Variants in EDAR observed in about 807,000 individuals in gnomAD.
The protein encoded by EDAR is tumor necrosis factor receptor superfamily member EDAR.
Under a neutral mutation model 51.3 loss-of-function variants are expected in EDAR, and 38 were observed. The observed-to-expected ratio is 0.74, with a 90% CI of 0.57 to 0.97. The LOEUF (loss-of-function observed/expected upper bound fraction) is 0.97. Among genes scored for constraint, EDAR ranks in the 50% least tolerant of loss-of-function variants. The pLI is 0.00. For synonymous variants in EDAR, 227 were observed against 242.1 expected, an observed-to-expected ratio of 0.94 and a Z score of 0.58; for missense variants, 528 against 595.0, an observed-to-expected ratio of 0.89 and a Z score of 1.17.
intron 1 of EDAR, among the ~76,000 whole-genome samples, chr2:108,962,995 G>A (rs972720925): frequency 1.4e-4 from 22 of 152,164 alleles, no homozygotes; most frequent in Non-Finnish European, 3.1e-4. Flanking sequence ...TCTTACCCTT[G>A]CCAGGGACAT....
chr2:108,956,713 T>A (rs1392832296), intron 1 of EDAR, among the ~76,000 whole-genome samples: 1 of 152,174 alleles, frequency 6.6e-6, no homozygotes, highest in African/African-American at 2.4e-5. Context: ...ATTTTGCATA[T>A]CCCTCCTTGT....
At position 108,922,750 on chromosome 2, in the gene EDAR, C is replaced by G. The variant is rs531104987; in HGVS notation, c.442+618G>C. Among the ~76,000 whole-genome samples the G allele has an allele frequency of 1.2e-4, 18 of 152,244 alleles. 1 individual carries two copies. In the South Asian group the frequency reaches 3.7e-3, roughly 32 times the overall value. ...CCTCCCAGCTGCTTGTCCTACCTGC[C>G]TCCGTCTCTCCCCAGACCACACATC... is the stretch of plus-strand genomic sequence containing the variant. On this transcript the variant is annotated intron_variant, in intron 5 of 11. Coordinates refer to ENST00000258443, the MANE Select transcript of EDAR (RefSeq NM_022336.4).
At chr2:108,918,620 G>A (rs1697070010) in intron 5 of EDAR, among the ~76,000 whole-genome samples, 1 of 152,218 alleles carries the variant, frequency 6.6e-6, no homozygotes, top group African/African-American at 2.4e-5. Flanking sequence ...CTCGCGTGGA[G>A]TTCGAGGCAG....
At chr2:108,937,678 G>C (rs1697501748) in intron 1 of EDAR, among the ~76,000 whole-genome samples, 1 of 147,370 alleles carries the variant, frequency 6.8e-6, no homozygotes, top group South Asian at 2.2e-4. Flanking sequence ...GTGAGTATAA[G>C]TGTATGTGAT....
chr2:108,986,406 C>G (rs1017495049), intron 1 of EDAR, among the ~76,000 whole-genome samples: 2 of 151,982 alleles, frequency 1.3e-5, no homozygotes, highest in African/African-American at 4.8e-5. Flanking sequence ...TTACTCCACT[C>G]TTATTTTTAT....
chr2:108,955,356 A>G (rs1697898665), intron 1 of EDAR, among the ~76,000 whole-genome samples: 1 of 152,278 alleles, frequency 6.6e-6, no homozygotes, highest in African/African-American at 2.4e-5. Flanking sequence ...GAATTGTAAA[A>G]TAAAAGAAAA....
intron 11 of EDAR, among the ~76,000 whole-genome samples, chr2:108,905,691 G>A (rs1428511798): frequency 6.6e-6 from 1 of 152,160 alleles, no homozygotes; most frequent in Admixed American, 6.5e-5. Context: ...TTTATCTTTG[G>A]GGTTAATAAG....
intron 1 of EDAR, among the ~76,000 whole-genome samples, chr2:108,945,790 G>A (rs973340905): frequency 1.3e-5 from 2 of 152,194 alleles, no homozygotes; most frequent in African/African-American, 4.8e-5. Flanking sequence ...ATTTTGCTAA[G>A]TAAGATAAGC....
rs772137636 is a variant in EDAR, at chr2:108,911,855, C to A, written c.530-783G>T. On this transcript the variant is annotated intron_variant, in intron 6 of 11. Coordinates refer to ENST00000258443, the MANE Select transcript of EDAR (RefSeq NM_022336.4). The stretch of plus-strand genomic sequence containing the variant: ...ACCCCGCATGTGGGCGCTGAGCCTC[C>A]CCTGTGGGTGCATCTGCAGGAAAAC... 6.4e-4 allele frequency among the ~76,000 whole-genome samples: 97 copies of A among 152,160 alleles called. 1 individual carries two copies. Among genetic ancestry groups the A allele is most frequent in the Non-Finnish European group, 1.5e-4 (10 of 68,026 alleles).
chr2:108,911,281 C>T (rs1696925271), intron 6 of EDAR, among the ~76,000 whole-genome samples: 1 of 152,112 alleles, frequency 6.6e-6, no homozygotes, highest in African/African-American at 2.4e-5. Context: ...CTGCTCGCTG[C>T]CCTCAGACTG....
intron 1 of EDAR, among the ~76,000 whole-genome samples, chr2:108,976,382 G>A (rs1231647003): frequency 6.6e-6 from 1 of 152,146 alleles, no homozygotes; most frequent in Non-Finnish European, 1.5e-5. Flanking sequence ...TCACATGAAG[G>A]GTCCATGCTA....
At chr2:108,971,168 A>G (rs1698225465) in intron 1 of EDAR, among the ~76,000 whole-genome samples, 1 of 152,236 alleles carries the variant, frequency 6.6e-6, no homozygotes, top group Non-Finnish European at 1.5e-5. Context: ...TGCTGGCTAC[A>G]TGTTTTCCGT....
chr2:108,962,626 G>T (rs143047943), intron 1 of EDAR, among the ~76,000 whole-genome samples: 118 of 137,994 alleles, frequency 8.6e-4, no homozygotes, highest in African/African-American at 3.2e-3. Context: ...AGAGAGCCGA[G>T]ATCGCTCCAC....
intron 1 of EDAR, among the ~76,000 whole-genome samples, chr2:108,967,036 G>A (rs969608974): frequency 6.6e-6 from 1 of 152,220 alleles, no homozygotes; most frequent in African/African-American, 2.4e-5. Context: ...CCAGGTTCAA[G>A]CAATTCTTCT....
intron 5 of EDAR, among the ~76,000 whole-genome samples, chr2:108,916,961 C>T (rs532813403): frequency 2.0e-5 from 3 of 152,290 alleles, no homozygotes; most frequent in South Asian, 4.1e-4. Flanking sequence ...GCCCACAGGC[C>T]ACCCAGGCCA....
chr2:108,939,395 A>G (rs1280908643), intron 1 of EDAR, among the ~76,000 whole-genome samples: 1 of 152,030 alleles, frequency 6.6e-6, no homozygotes, highest in Non-Finnish European at 1.5e-5. Flanking sequence ...CCATGTTGGC[A>G]AGGCTGGTCT....
intron 11 of EDAR, among the ~76,000 whole-genome samples, chr2:108,904,882 C>T (rs1048491049): frequency 2.0e-5 from 3 of 152,086 alleles, no homozygotes; most frequent in Non-Finnish European, 4.4e-5. Flanking sequence ...GGAGCTGAGT[C>T]GATATCACTG....
intron 4 of EDAR, among the ~76,000 whole-genome samples, chr2:108,927,708 C>T (rs1490478625): frequency 6.6e-6 from 1 of 152,134 alleles, no homozygotes; most frequent in Non-Finnish European, 1.5e-5. Context: ...TGGATCTCTG[C>T]CTGGAGGTTC....
At position 108,930,151 on chromosome 2, in the gene EDAR, G is replaced by A; in HGVS notation, c.143C>T (p.Pro48Leu). ...GGGCTCCTCTCCCGGCCCACACGGGGGGCACTCCTGGCACAGCCCCGTAGT... is the reference window on the plus strand; with the variant it reads ...GGGCTCCTCTCCCGGCCCACACGGGAGGCACTCCTGGCACAGCCCCGTAGT... ...NQTTGLCQEC[P>L]PCGPGEEPYL... Residue 48 changes from proline to leucine, a missense_variant, in exon 3 of 12, where the codon CCC (proline) becomes CTC (leucine). Coordinates refer to ENST00000258443, the MANE Select transcript of EDAR (RefSeq NM_022336.4). 6.2e-7 allele frequency: 1 copy of A among 1,614,018 alleles called. No individual in the cohort carries two copies. The highest frequency in any genetic ancestry group is 8.5e-7 in the Non-Finnish European group (1 of 1,180,024).
Sources: allele counts gnomAD v4.1 joint callset (sites outside exome capture counted in the v4.1 genomes callset), GRCh38; gene constraint gnomAD v4.1.1; transcripts MANE v1.5; gene names NCBI Gene and HGNC (gene_info 2026-07-23, HGNC 2026-07-21).